Variants in PDIA5 observed in about 807,000 individuals in gnomAD.
The protein encoded by PDIA5 is protein disulfide-isomerase A5.
PDIA5 carries 58 observed loss-of-function variants against 77.6 expected under a neutral mutation model. The ratio of observed to expected loss-of-function variants is 0.75; its 90% CI spans 0.61 to 0.93. The LOEUF is 0.93. Among genes scored for constraint, PDIA5 ranks in the 40% least tolerant of loss-of-function variants. The pLI is 0.00. For synonymous variants in PDIA5, 250 were observed against 252.1 expected (o/e 0.99, Z 0.08); for missense variants, 630 against 647.7 (o/e 0.97, Z 0.30).
In PDIA5 at chr3:123,143,550, A is replaced by G. The variant is rs1017638569; in HGVS notation, c.911-1972A>G. On this transcript the variant is annotated intron_variant, in intron 11 of 16. Coordinates refer to ENST00000316218, the MANE Select transcript of PDIA5 (RefSeq NM_006810.4). ...TTCCTCTGGTTCATCCCTTGAAGGC[A>G]TCATGTGTGCCACTCTATTCCCCTC... Among the ~76,000 whole-genome samples the G allele has an allele frequency of 3.9e-5, 6 of 152,202 alleles. No individual in the cohort carries two copies. In the South Asian group the frequency reaches 1.3e-3, roughly 32 times the overall value.
intron 8 of PDIA5, 68 bp downstream of exon 8, chr3:123,116,366 G>A (rs1934998590): frequency 2.7e-6 from 3 of 1,122,366 alleles, no homozygotes. Context: ...GGGTGCCAGG[G>A]GTGGGGTGGG....
Position 123,153,228 on chromosome 3 carries a change from T to G in PDIA5, c.1274-1743T>G, listed in dbSNP as rs556504191. 2.0e-5 allele frequency among the ~76,000 whole-genome samples: 3 copies of G among 152,298 alleles called. No homozygotes were observed. The South Asian group carries it at 6.2e-4, about 32-fold the overall frequency. ...TTAGACTTTCAATGAACAAAGAGGT[T>G]AAAAAGGAAAAATTAATAGTGAAAC... On this transcript the variant is annotated intron_variant, in intron 14 of 16. Coordinates refer to ENST00000316218, the MANE Select transcript of PDIA5 (RefSeq NM_006810.4).
chr3:123,156,229 C>G (rs1206625013), intron 15 of PDIA5, among the ~76,000 whole-genome samples: 1 of 152,142 alleles, frequency 6.6e-6, no homozygotes, highest in East Asian at 1.9e-4. Flanking sequence ...CCCATGCAGG[C>G]AGAGTGGGGA....
intron 1 of PDIA5, among the ~76,000 whole-genome samples, chr3:123,077,549 T>TACACAC (rs368009624): frequency 6.4e-4 from 88 of 136,516 alleles, no homozygotes; most frequent in African/African-American, 1.3e-3. Context: ...CTCACACACA[T>TACACAC]ACACACACAC....
chr3:123,142,688 G>A (rs1487633211), intron 11 of PDIA5, among the ~76,000 whole-genome samples: 1 of 152,220 alleles, frequency 6.6e-6, no homozygotes, highest in African/African-American at 2.4e-5. Context: ...CAGCCAGGCT[G>A]TCTTGCCCAG....
intron 5 of PDIA5, among the ~76,000 whole-genome samples, chr3:123,104,262 C>T (rs1268858089): frequency 1.3e-5 from 2 of 152,096 alleles, no homozygotes; most frequent in Admixed American, 6.5e-5. Flanking sequence ...CACTCTTAGT[C>T]CCAGCATCCC....
intron 13 of PDIA5, 77 bp downstream of exon 13, chr3:123,146,336 A>G: frequency 1.6e-6 from 2 of 1,244,508 alleles, no homozygotes; most frequent in East Asian, 2.3e-5. Flanking sequence ...GAGGTGAAGT[A>G]AACTTTATGG....
chr3:123,143,242 G>A lies in PDIA5; in HGVS notation c.911-2280G>A, dbSNP rs189122385. Among the ~76,000 whole-genome samples the A allele has an allele frequency of 5.0e-3, 767 of 152,078 alleles. 5 individuals are homozygous for A. The highest frequency in any genetic ancestry group is 0.036 in the East Asian group (183 of 5,140). ...CTACTAAAAATACAAAAAATTAGCT[G>A]GGCGTGGTGGCACATGCCTGTAGTC... On this transcript the variant is annotated intron_variant, in intron 11 of 16. Transcript: ENST00000316218.
chr3:123,149,198 G>C (rs1246639861), intron 13 of PDIA5, among the ~76,000 whole-genome samples: 2 of 152,230 alleles, frequency 1.3e-5, no homozygotes, highest in African/African-American at 4.8e-5. Context: ...TGGTGGATTT[G>C]AGGTTACAAT....
chr3:123,086,983 T>C (rs1934156495), intron 1 of PDIA5, among the ~76,000 whole-genome samples: 2 of 152,258 alleles, frequency 1.3e-5, no homozygotes, highest in Admixed American at 6.5e-5. Context: ...TGAAGTCTTA[T>C]GCCAATTCTG....
intron 13 of PDIA5, among the ~76,000 whole-genome samples, chr3:123,147,927 G>C (rs997096201): frequency 6.6e-6 from 1 of 152,130 alleles, no homozygotes; most frequent in Non-Finnish European, 1.5e-5. Context: ...CCAGAGTGTC[G>C]ATCATCACTA....
chr3:123,092,519 C>G, intron 3 of PDIA5, 77 bp downstream of exon 3: 6 of 1,023,654 alleles, frequency 5.9e-6, no homozygotes, highest in Non-Finnish European at 7.7e-6. Flanking sequence ...GGGACAGGAA[C>G]TGTCTCTTGA....
chr3:123,112,423 C>T (rs1258503399), intron 7 of PDIA5, among the ~76,000 whole-genome samples: 1 of 151,992 alleles, frequency 6.6e-6, no homozygotes, highest in African/African-American at 2.4e-5. Flanking sequence ...CCATCTGTGC[C>T]CTGGGGATGA....
intron 1 of PDIA5, among the ~76,000 whole-genome samples, chr3:123,079,656 T>C (rs1933945713): frequency 6.6e-6 from 1 of 152,222 alleles, no homozygotes; most frequent in South Asian, 2.1e-4. Context: ...GTCAGACCTC[T>C]GCTAATTTCC....
In PDIA5 at chr3:123,150,215, C is replaced by G. The variant is rs766749857; in HGVS notation, c.1143-19C>G. On this transcript the variant is annotated intron_variant, in intron 13 of 16. Coordinates refer to ENST00000316218, the MANE Select transcript of PDIA5 (RefSeq NM_006810.4). ...ATCTCTCCTTATGGCTGCCTCCCCACTCCCCTGGCTTCTTGCAGCCCTGAG... is the reference window on the plus strand; with the variant it reads ...ATCTCTCCTTATGGCTGCCTCCCCAGTCCCCTGGCTTCTTGCAGCCCTGAG... The G allele has an allele frequency of 7.5e-6, 12 of 1,598,426 alleles. No homozygotes were observed. The highest frequency in any genetic ancestry group is 9.4e-6 in the Non-Finnish European group (11 of 1,170,672).
chr3:123,147,081 G>A (rs1318348900), intron 13 of PDIA5, among the ~76,000 whole-genome samples: 1 of 152,178 alleles, frequency 6.6e-6, no homozygotes, highest in Non-Finnish European at 1.5e-5. Flanking sequence ...AAAGTGCTAG[G>A]ATTACAGGCG....
intron 6 of PDIA5, among the ~76,000 whole-genome samples, chr3:123,107,768 C>T (rs931595815): frequency 2.6e-5 from 4 of 152,146 alleles, no homozygotes; most frequent in African/African-American, 9.7e-5. Flanking sequence ...TCATCTTTCT[C>T]TTCCTCCTCT....
chr3:123,111,555 G>A (rs1934865127), intron 7 of PDIA5, among the ~76,000 whole-genome samples: 1 of 152,236 alleles, frequency 6.6e-6, no homozygotes, highest in African/African-American at 2.4e-5. Flanking sequence ...AATGGCAGGA[G>A]GATCTTTCAG....
rs780755351 is a variant in PDIA5 at position 123,130,631 on chromosome 3, G to T, written c.910+15G>T. 4.0e-5 allele frequency: 65 copies of T among 1,613,462 alleles called. No homozygotes were observed. The highest frequency in any genetic ancestry group is 5.5e-5 in the Non-Finnish European group (65 of 1,179,616). ...CCACGCCCCATGTGAGTGGAACTTT[G>T]CTCCTCCCCCTCCACACCCTCCCCT... On this transcript the variant is annotated intron_variant, in intron 11 of 16. Coordinates refer to ENST00000316218, the MANE Select transcript of PDIA5 (RefSeq NM_006810.4).
Sources: allele counts gnomAD v4.1 joint callset (sites outside exome capture counted in the v4.1 genomes callset), GRCh38; gene constraint gnomAD v4.1.1; transcripts MANE v1.5; gene names NCBI Gene and HGNC (gene_info 2026-07-23, HGNC 2026-07-21).